The following OAS2 variants were observed in gnomAD, a reference collection of about 807,000 sequenced individuals.
The protein encoded by OAS2 is 2'-5'-oligoadenylate synthase 2.
A neutral mutation model predicts 71.3 loss-of-function variants in OAS2; 67 were observed. The ratio of observed to expected loss-of-function variants is 0.94; its 90% CI spans 0.77 to 1.15. The LOEUF (loss-of-function observed/expected upper bound fraction) is 1.15. Ranked by LOEUF, OAS2 falls within the 50% of genes most tolerant of loss-of-function variation. OAS2 has a pLI of 0.00. For missense variants in OAS2, 789 were observed against 822.5 expected (o/e 0.96, Z 0.50); for synonymous variants, 327 against 321.8 (o/e 1.02, Z -0.17).
chr12:113,010,349 C>A lies in OAS2; in HGVS notation c.*1094C>A. 6.2e-7 allele frequency: 1 copy of A among 1,604,834 alleles called. No individual in the cohort carries two copies. The highest frequency in any genetic ancestry group is 8.5e-7 in the Non-Finnish European group (1 of 1,176,938). ...ATTGTAACTATTAGGAGACATTGCTCTCCCACGTATGTTTTTCTTTTTAGA... is the reference window on the plus strand; with the variant it reads ...ATTGTAACTATTAGGAGACATTGCTATCCCACGTATGTTTTTCTTTTTAGA... On this transcript the variant is annotated 3_prime_UTR_variant, in exon 10 of 10. Transcript: ENST00000392583.
rs749557054 is a variant in OAS2 at position 112,997,563 on chromosome 12, C to T, written c.671C>T (p.Ala224Val). ...IKDLPSLSPY[A>V]LELLTVYAWE... is the part of the protein sequence containing the mutation. ...GATTTACCCTCGCTGTCTCCGTATGCCCTGGAGCTGCTTACGGTGTATGCC... is the reference window on the plus strand; with the variant it reads ...GATTTACCCTCGCTGTCTCCGTATGTCCTGGAGCTGCTTACGGTGTATGCC... The change falls in exon 4 of 10, where the codon GCC (alanine) becomes GTC (valine). Residue 224 changes from alanine (A) to valine (V), a missense_variant. Physicochemically the swap from Ala to Val is moderately conservative, Grantham distance 64. Transcript: ENST00000392583. 6.2e-6 allele frequency: 10 copies of T among 1,613,968 alleles called. No individual in the cohort carries two copies. Among genetic ancestry groups the T allele is most frequent in the Non-Finnish European group, 8.5e-6 (10 of 1,179,992 alleles).
rs150359930 is a variant in OAS2 at position 112,998,312 on chromosome 12, G to A, written c.910G>A (p.Asp304Asn). The A allele has an allele frequency of 1.0e-4, 162 of 1,612,376 alleles. No individual in the cohort carries two copies. In the African/African-American group the frequency reaches 2.1e-3, roughly 20 times the overall value. Residue 304 changes from aspartate (D) to asparagine (N), a missense_variant, in exon 5 of 10, where the codon GAT (aspartate) becomes AAT (asparagine). Coordinates refer to ENST00000392583, the MANE Select transcript of OAS2 (RefSeq NM_002535.3). ...PVDPTNNVSG[D>N]KICWQWLKKE... ...TGACCCAACCAATAATGTGAGTGGA[G>A]ATAAAATATGCTGGCAATGGCTGAA...
chr12:112,987,664 G>C (rs1379774716), intron 2 of OAS2: 1 of 1,131,152 alleles, frequency 8.8e-7, no homozygotes, highest in Non-Finnish European at 1.1e-6. Context: ...CCAGCTCCAT[G>C]ATGAGCTGCT....
intron 5 of OAS2, among the ~76,000 whole-genome samples, chr12:113,000,725 TCACACACATG>T (rs967462554): frequency 4.1e-4 from 62 of 151,242 alleles, no homozygotes; most frequent in African/African-American, 1.3e-3. Flanking sequence ...ACACATGCAC[TCACACACATG>T]CACACACATG....
chr12:113,005,932 A>C lies in OAS2; in HGVS notation c.1469-481A>C, dbSNP rs1427334463. ...AACAACAACAACAAAAAAAAAAAAA[A>C]AAAAAAAAAAAAAAAAAAACAAGAA... On this transcript the variant is annotated intron_variant, in intron 7 of 9. Transcript: ENST00000392583. Among the ~76,000 whole-genome samples the C allele has an allele frequency of 4.4e-3, 641 of 146,794 alleles. 2 individuals are homozygous for C. Among genetic ancestry groups the C allele is most frequent in the Non-Finnish European group, 7.2e-3 (473 of 66,100 alleles).
intron 7 of OAS2, 66 bp from the exon 8 acceptor site, chr12:113,006,347 A>C: frequency 7.6e-7 from 1 of 1,315,574 alleles, no homozygotes; most frequent in Non-Finnish European, 1.0e-6. Context: ...ATTTGTCAAA[A>C]ATGTTTTGGA....
intron 3 of OAS2, 90 bp from the exon 4 acceptor site, chr12:112,997,430 C>A: frequency 9.5e-7 from 1 of 1,053,890 alleles, no homozygotes; most frequent in East Asian, 2.5e-5. Context: ...ACAATGACTT[C>A]CTGTAGACCT....
At chr12:113,008,818 G>A (rs771070571) in intron 9 of OAS2, among the ~76,000 whole-genome samples, 6 of 152,032 alleles carry the variant, frequency 3.9e-5, no homozygotes, top group Non-Finnish European at 7.4e-5. Context: ...GTAGAGATGG[G>A]GTTTCTGCAT....
At chr12:113,007,529 T>C (rs986375703) in intron 8 of OAS2, among the ~76,000 whole-genome samples, 176 bp from the exon 9 acceptor site, 3 of 152,214 alleles carry the variant, frequency 2.0e-5, no homozygotes, top group Non-Finnish European at 4.4e-5. Context: ...ACAAAGAAAC[T>C]CAAATGTGCT....
At chr12:113,000,551 T>C (rs1008539188) in intron 5 of OAS2, among the ~76,000 whole-genome samples, 5 of 146,616 alleles carry the variant, frequency 3.4e-5, no homozygotes, top group African/African-American at 7.6e-5. Flanking sequence ...CACACACATG[T>C]ACTCACACCA....
At position 112,998,388 on chromosome 12, in the gene OAS2, C is replaced by T. The variant is rs199934677; in HGVS notation, c.986C>T (p.Pro329Leu). 1.2e-5 allele frequency: 19 copies of T among 1,611,496 alleles called. No homozygotes were observed. The highest frequency in any genetic ancestry group is 1.7e-4 in the Middle Eastern group (1 of 6,056). ...TCTCCCAACCTGGATAATGAGTTAC[C>T]TGCACCATCTTGGAATGTTCTGGTA... ...LTSPNLDNEL[P>L]APSWNVLPAP... Residue 329 changes from proline to leucine, a missense_variant, in exon 5 of 10, where the codon CCT (proline) becomes CTT (leucine). Coordinates refer to ENST00000392583, the MANE Select transcript of OAS2 (RefSeq NM_002535.3).
intron 5 of OAS2, among the ~76,000 whole-genome samples, chr12:113,000,680 GCACTCATGCACACA>G (rs556090031): frequency 0.02 from 2,860 of 146,548 alleles, 73 homozygotes; most frequent in African/African-American, 0.063. Context: ...ATGCACACAT[GCACTCATGCACACA>G]CATGCATGCA....
chr12:112,991,565 G>A (rs779358093), intron 2 of OAS2, among the ~76,000 whole-genome samples: 1 of 152,218 alleles, frequency 6.6e-6, no homozygotes, highest in Non-Finnish European at 1.5e-5. Context: ...ACAATTCAAA[G>A]TGGGGAGAGG....
At chr12:112,989,452 T>G (rs2044171268) in intron 2 of OAS2, among the ~76,000 whole-genome samples, 1 of 152,206 alleles carries the variant, frequency 6.6e-6, no homozygotes, top group Non-Finnish European at 1.5e-5. Flanking sequence ...TACATTGGTT[T>G]GGTTTGGAAA....
chr12:112,987,569 T>C, intron 2 of OAS2: 1 of 1,312,594 alleles, frequency 7.6e-7, no homozygotes, highest in East Asian at 2.8e-5. Flanking sequence ...AGCCATACTG[T>C]ACACATAAAT....
At chr12:112,989,139 A>C (rs1426746773) in intron 2 of OAS2, among the ~76,000 whole-genome samples, 1 of 152,186 alleles carries the variant, frequency 6.6e-6, no homozygotes, top group East Asian at 1.9e-4. Flanking sequence ...AGGTAATTGA[A>C]TCATGGAGGC....
Position 112,978,892 on chromosome 12 carries a change from T to A in OAS2, c.177+107T>A. On this transcript the variant is annotated intron_variant, in intron 1 of 9. Coordinates refer to ENST00000392583, the MANE Select transcript of OAS2 (RefSeq NM_002535.3). The surrounding 1 kb of genome is among the most constrained non-coding windows in gnomAD (Gnocchi z 4.2). ...GCCTATTATGTGCGAGGCCCACACT[T>A]GGGTGGGATGTGGTGTAGGAGTCTC... is the stretch of plus-strand genomic sequence containing the variant. 3 of 1,055,636 alleles carry A rather than the reference T, an allele frequency of 2.8e-6. No individual in the cohort carries two copies. Among genetic ancestry groups the A allele is most frequent in the Non-Finnish European group, 4.1e-6 (3 of 736,134 alleles). The allele number at this position is 1,055,636 out of a possible 1,614,324, so 65.4% of individuals were successfully genotyped here. A position where few individuals can be genotyped will look rare whatever the true frequency, so the allele number is the denominator to read the frequency against.
chr12:112,987,679 C>T (rs967096723), intron 2 of OAS2: 12 of 1,112,920 alleles, frequency 1.1e-5, no homozygotes, highest in Admixed American at 4.7e-5. Context: ...GCTGCTGGTC[C>T]GCAGATCATG....
intron 1 of OAS2, among the ~76,000 whole-genome samples, chr12:112,980,402 C>T (rs1256655862): frequency 1.3e-5 from 2 of 152,206 alleles, no homozygotes; most frequent in African/African-American, 4.8e-5. Flanking sequence ...TTCATTTCCT[C>T]CTCTACTTCC....
Sources: gnomAD v4.1 joint callset for allele counts (sites outside exome capture counted in the v4.1 genomes callset) on GRCh38, gnomAD v4.1.1 for gene constraint, Gnocchi (gnomAD v3.1) non-coding constraint, MANE v1.5 for transcripts, NCBI Gene and HGNC (gene_info 2026-07-23, HGNC 2026-07-21) for gene names.